CTNNBL1: variants seen among roughly 807,000 people sequenced by gnomAD.
CTNNBL1 encodes catenin beta like 1, also known as beta-catenin-like protein 1.
A neutral mutation model predicts 72.7 loss-of-function variants in CTNNBL1; 31 were observed. That is an observed-to-expected ratio of 0.43 (90% CI 0.32 to 0.58). The LOEUF is 0.58. Among genes scored for constraint, CTNNBL1 ranks in the 20% least tolerant of loss-of-function variants. The pLI, the probability that CTNNBL1 is intolerant of heterozygous loss-of-function variation, is 0.08. For synonymous variants in CTNNBL1, 240 were observed against 267.3 expected (o/e 0.90, Z 1.00); for missense variants, 534 against 725.1 (o/e 0.74, Z 3.03).
chr20:37,850,956 C>T (rs547157498), intron 13 of CTNNBL1, among the ~76,000 whole-genome samples: 75 of 152,324 alleles, frequency 4.9e-4, no homozygotes, highest in African/African-American at 1.6e-3. Flanking sequence ...GAAATGACAT[C>T]CGCATGCTTA....
intron 1 of CTNNBL1, among the ~76,000 whole-genome samples, chr20:37,713,253 A>T (rs2072954785): frequency 6.6e-6 from 1 of 152,220 alleles, no homozygotes; most frequent in Non-Finnish European, 1.5e-5. Flanking sequence ...GGATTCCATA[A>T]TGAAGACTGC....
intron 1 of CTNNBL1, among the ~76,000 whole-genome samples, chr20:37,704,546 C>G (rs537574938): frequency 6.4e-4 from 96 of 150,934 alleles, no homozygotes; most frequent in Non-Finnish European, 1.2e-3. Flanking sequence ...GAGACATCGT[C>G]TCAAAAAAAA....
At chr20:37,817,352 G>A (rs185071448) in intron 11 of CTNNBL1, among the ~76,000 whole-genome samples, 46 of 152,354 alleles carry the variant, frequency 3.0e-4, no homozygotes, top group African/African-American at 1.0e-3. Flanking sequence ...ATTTGGTAAT[G>A]TGGGATGTGA....
chr20:37,747,849 A>G (rs2073281771), intron 4 of CTNNBL1, among the ~76,000 whole-genome samples: 7 of 152,050 alleles, frequency 4.6e-5, no homozygotes, highest in Admixed American at 4.6e-4. Flanking sequence ...GTAGCTTTCC[A>G]TGTTACTGAG....
chr20:37,710,502 A>G (rs1362257877), intron 1 of CTNNBL1, among the ~76,000 whole-genome samples: 1 of 152,190 alleles, frequency 6.6e-6, no homozygotes, highest in Non-Finnish European at 1.5e-5. Flanking sequence ...GTGAGATACT[A>G]GAAATCATTT....
At chr20:37,767,047 A>T (rs1322878329) in intron 6 of CTNNBL1, among the ~76,000 whole-genome samples, 1 of 152,118 alleles carries the variant, frequency 6.6e-6, no homozygotes, top group Non-Finnish European at 1.5e-5. Flanking sequence ...GGGGAGGCTG[A>T]TGTGGGCAAA....
At chr20:37,836,884 A>AT (rs961626967) in intron 11 of CTNNBL1, among the ~76,000 whole-genome samples, 4 of 150,110 alleles carry the variant, frequency 2.7e-5, no homozygotes, top group Non-Finnish European at 4.5e-5. Context: ...TTTGGCTCTG[A>AT]TTTTTTTTTT....
chr20:37,707,928 G>GGAGAGA (rs35821167), intron 1 of CTNNBL1, among the ~76,000 whole-genome samples: 1 of 150,544 alleles, frequency 6.6e-6, no homozygotes, highest in Non-Finnish European at 1.5e-5. Flanking sequence ...GGAGACCTGA[G>GGAGAGA]GAGAGAGAGA....
At chr20:37,826,680 A>G (rs996632869) in intron 11 of CTNNBL1, among the ~76,000 whole-genome samples, 1 of 152,292 alleles carries the variant, frequency 6.6e-6, no homozygotes, top group African/African-American at 2.4e-5. Context: ...GCAAATACTC[A>G]TGTACCTGCC....
At chr20:37,801,540 AT>A (rs1289522684) in intron 10 of CTNNBL1, among the ~76,000 whole-genome samples, 3 of 151,946 alleles carry the variant, frequency 2.0e-5, no homozygotes, top group South Asian at 2.1e-4. Context: ...AAACACCTTT[AT>A]TTTTTTTCTT....
At chr20:37,712,358 T>C (rs2072945711) in intron 1 of CTNNBL1, among the ~76,000 whole-genome samples, 1 of 152,206 alleles carries the variant, frequency 6.6e-6, no homozygotes, top group Non-Finnish European at 1.5e-5. Context: ...TTAGAATCTA[T>C]AAACTTGATG....
At chr20:37,784,806 T>C (rs1448076837) in intron 10 of CTNNBL1, among the ~76,000 whole-genome samples, 1 of 152,258 alleles carries the variant, frequency 6.6e-6, no homozygotes, top group Non-Finnish European at 1.5e-5. Context: ...TCTGTGTTTT[T>C]CTGTGTACTT....
chr20:37,812,175 A>G (rs902880416), intron 11 of CTNNBL1, among the ~76,000 whole-genome samples: 4 of 152,378 alleles, frequency 2.6e-5, no homozygotes, highest in African/African-American at 7.2e-5. Context: ...TAAGCCTGAT[A>G]AAACCTTTCT....
At chr20:37,799,360 C>G (rs2073804571) in intron 10 of CTNNBL1, among the ~76,000 whole-genome samples, 1 of 152,180 alleles carries the variant, frequency 6.6e-6, no homozygotes, top group Non-Finnish European at 1.5e-5. Context: ...CTCGCCGCCT[C>G]TCCTCAGTCA....
chr20:37,737,885 G>C (rs1367041763), intron 3 of CTNNBL1, among the ~76,000 whole-genome samples: 7 of 152,214 alleles, frequency 4.6e-5, no homozygotes, highest in Admixed American at 1.3e-4. Context: ...TTTTATGGAG[G>C]ACTGGTCATG....
At chr20:37,761,821 A>G (rs534002606) in intron 5 of CTNNBL1, among the ~76,000 whole-genome samples, 32 of 152,364 alleles carry the variant, frequency 2.1e-4, no homozygotes, top group Non-Finnish European at 3.5e-4. Flanking sequence ...GAGTTCTGGA[A>G]GAAACCAGCC....
intron 3 of CTNNBL1, among the ~76,000 whole-genome samples, chr20:37,744,362 C>G (rs1203002455): frequency 6.6e-6 from 1 of 152,150 alleles, no homozygotes; most frequent in Non-Finnish European, 1.5e-5. Flanking sequence ...CCTTTCCTTC[C>G]TGGGAATTTA....
At chr20:37,867,133 T>C (rs1457019639) in intron 15 of CTNNBL1, among the ~76,000 whole-genome samples, 1 of 152,246 alleles carries the variant, frequency 6.6e-6, no homozygotes, top group African/African-American at 2.4e-5. Context: ...AGCGCAACTT[T>C]CAACCTTCCA....
chr20:37,713,004 C>A (rs1487843132), intron 1 of CTNNBL1, among the ~76,000 whole-genome samples: 1 of 152,200 alleles, frequency 6.6e-6, no homozygotes, highest in Non-Finnish European at 1.5e-5. Context: ...CAAAGGGCTG[C>A]TAAGCTTGCC....
Sources: gnomAD v4.1 joint callset for allele counts (sites outside exome capture counted in the v4.1 genomes callset) on GRCh38, gnomAD v4.1.1 for gene constraint, MANE v1.5 for transcripts, NCBI Gene and HGNC (gene_info 2026-07-23, HGNC 2026-07-21) for gene names.